The following UGT1A8 variants were observed in gnomAD, a reference collection of about 807,000 sequenced individuals.
UGT1A8 encodes UDP glucuronosyltransferase family 1 member A8.
In UGT1A8, 39 loss-of-function variants were observed where a neutral mutation model predicts 45.3. The observed-to-expected ratio is 0.86, with a 90% CI of 0.67 to 1.12. The LOEUF (loss-of-function observed/expected upper bound fraction) is 1.12, where lower values mean the gene tolerates loss of function less well. Among genes scored for constraint, UGT1A8 ranks in the 50% most tolerant of loss-of-function variants. The pLI is 0.00. For synonymous variants in UGT1A8, 275 were observed against 249.2 expected, an observed-to-expected ratio of 1.10 and a Z score of -0.97; for missense variants, 719 against 664.9, an observed-to-expected ratio of 1.08 and a Z score of -0.90.
intron 1 of UGT1A8, among the ~76,000 whole-genome samples, chr2:233,634,504 A>G (rs958427382): frequency 6.6e-6 from 1 of 152,176 alleles, no homozygotes; most frequent in Non-Finnish European, 1.5e-5. Flanking sequence ...GGGCGCATAT[A>G]TATTTAGGAT....
intron 1 of UGT1A8, chr2:233,713,741 C>T (rs1224513754): frequency 9.9e-6 from 16 of 1,613,814 alleles, no homozygotes; most frequent in African/African-American, 1.3e-5. Context: ...ATCTTGTCAG[C>T]CATGCATCTG....
At chr2:233,677,764 T>C (rs1238531469) in intron 1 of UGT1A8, among the ~76,000 whole-genome samples, 1 of 152,036 alleles carries the variant, frequency 6.6e-6, no homozygotes, top group Non-Finnish European at 1.5e-5. Flanking sequence ...TGGGAAGTAG[T>C]TTGGAGATTT....
intron 1 of UGT1A8, among the ~76,000 whole-genome samples, chr2:233,757,667 T>C (rs1696692140): frequency 6.6e-6 from 1 of 151,042 alleles, no homozygotes; most frequent in South Asian, 2.1e-4. Context: ...ATTTTGGAAA[T>C]TCAAGGAATT....
intron 1 of UGT1A8, among the ~76,000 whole-genome samples, chr2:233,737,451 G>T (rs1349834753): frequency 6.6e-6 from 1 of 152,156 alleles, no homozygotes. Context: ...GTTTTTCCAG[G>T]TACAGTCTGT....
Position 233,681,974 on chromosome 2 carries a change from T to C in UGT1A8, c.855+63412T>C, listed in dbSNP as rs1348746659. 13 of 1,614,168 alleles carry C rather than the reference T, an allele frequency of 8.1e-6. No individual in the cohort carries two copies. The East Asian group carries it at 1.6e-4, about 19-fold the overall frequency. On this transcript the variant is annotated intron_variant, in intron 1 of 4. Transcript: ENST00000373450. The stretch of plus-strand genomic sequence containing the variant: ...AGGGTGGACTGGCCTCCTTCCCCTA[T>C]ATGTGTGTCTACTGCTGACCTGTGG...
At chr2:233,725,024 G>A (rs1241696904) in intron 1 of UGT1A8, among the ~76,000 whole-genome samples, 4 of 148,280 alleles carry the variant, frequency 2.7e-5, no homozygotes, top group Admixed American at 6.7e-5. Flanking sequence ...AGCAAAACCC[G>A]GTCTCCACCA....
intron 4 of UGT1A8, 99 bp downstream of exon 4, chr2:233,768,538 C>T: frequency 1.5e-6 from 2 of 1,345,412 alleles, no homozygotes; most frequent in South Asian, 1.4e-5. Context: ...AGCGTTGTTT[C>T]AAATATAAAA....
At chr2:233,726,997 A>G (rs1314569583) in intron 1 of UGT1A8, among the ~76,000 whole-genome samples, 1 of 152,156 alleles carries the variant, frequency 6.6e-6, no homozygotes, top group Non-Finnish European at 1.5e-5. Context: ...TCTTTCTAGC[A>G]AAGTTTTATC....
At chr2:233,714,585 C>T (rs1055592636) in intron 1 of UGT1A8, among the ~76,000 whole-genome samples, 2 of 152,172 alleles carry the variant, frequency 1.3e-5, no homozygotes, top group East Asian at 3.8e-4. Context: ...ATAATTTAAA[C>T]TTTTCTAGTG....
At chr2:233,751,309 A>G (rs1694697613) in intron 1 of UGT1A8, among the ~76,000 whole-genome samples, 1 of 151,862 alleles carries the variant, frequency 6.6e-6, no homozygotes, top group African/African-American at 2.4e-5. Context: ...ATATTTACCC[A>G]ATTTCTGTAC....
At chr2:233,742,375 GC>G (rs1691959490) in intron 1 of UGT1A8, among the ~76,000 whole-genome samples, 1 of 151,984 alleles carries the variant, frequency 6.6e-6, no homozygotes, top group Non-Finnish European at 1.5e-5. Flanking sequence ...TGTCCTTAAG[GC>G]ACAGATGGCT....
chr2:233,748,008 C>T (rs1238805175), intron 1 of UGT1A8: 21 of 1,613,360 alleles, frequency 1.3e-5, no homozygotes, highest in Non-Finnish European at 1.8e-5. Context: ...GATGGATTAC[C>T]CCAGGCCGAT....
intron 1 of UGT1A8, among the ~76,000 whole-genome samples, chr2:233,761,366 G>T (rs541123734): frequency 6.6e-6 from 1 of 152,292 alleles, no homozygotes; most frequent in Admixed American, 6.5e-5. Context: ...GCATTCCTTG[G>T]ACATTTTACT....
intron 1 of UGT1A8, among the ~76,000 whole-genome samples, chr2:233,728,327 C>T (rs1274244958): frequency 6.6e-6 from 1 of 152,196 alleles, no homozygotes; most frequent in Admixed American, 6.5e-5. Flanking sequence ...CAGGCTCCAG[C>T]TCCCCCAGTC....
chr2:233,647,537 T>A (rs993169928), intron 1 of UGT1A8, among the ~76,000 whole-genome samples: 2 of 152,208 alleles, frequency 1.3e-5, no homozygotes, highest in Non-Finnish European at 2.9e-5. Context: ...GTGGGAACAT[T>A]TGAAGTCAAA....
chr2:233,618,417 C>T lies in UGT1A8; in HGVS notation c.710C>T (p.Thr237Ile), dbSNP rs1331240331. 6.2e-7 allele frequency: 1 copy of T among 1,613,812 alleles called. No homozygotes were observed. Among genetic ancestry groups the T allele is most frequent in the Non-Finnish European group, 8.5e-7 (1 of 1,179,862 alleles). ...GAAATAGCCTCTGAAATTCTCCAAA[C>T]ACCTGTCACAGCATATGATCTCTAC... ...ALEIASEILQ[T>I]PVTAYDLYSH... The change falls in exon 1 of 5, where the codon ACA becomes ATA. Residue 237 changes from threonine to isoleucine, a missense_variant. Coordinates refer to ENST00000373450, the MANE Select transcript of UGT1A8 (RefSeq NM_019076.5).
At chr2:233,685,459 G>A (rs900170556) in intron 1 of UGT1A8, among the ~76,000 whole-genome samples, 1 of 152,190 alleles carries the variant, frequency 6.6e-6, no homozygotes, top group Non-Finnish European at 1.5e-5. Flanking sequence ...ACCATCTAGG[G>A]CCAGTGCAGC....
intron 1 of UGT1A8, among the ~76,000 whole-genome samples, chr2:233,752,117 AGAT>A (rs1222756938): frequency 6.6e-6 from 1 of 152,242 alleles, no homozygotes; most frequent in African/African-American, 2.4e-5. Flanking sequence ...GAGGAGAAGA[AGAT>A]GATGGACAGA....
chr2:233,748,071 C>G (rs1693854159), intron 1 of UGT1A8: 1 of 1,613,254 alleles, frequency 6.2e-7, no homozygotes, highest in Non-Finnish European at 8.5e-7. Flanking sequence ...CAGGAAGCCA[C>G]TATCTCAGGT....
Sources: allele counts gnomAD v4.1 joint callset (sites outside exome capture counted in the v4.1 genomes callset), GRCh38; gene constraint gnomAD v4.1.1; transcripts MANE v1.5; gene names NCBI Gene and HGNC (gene_info 2026-07-23, HGNC 2026-07-21).